NTRK3: variants seen among roughly 807,000 people sequenced by gnomAD.
The protein encoded by NTRK3 is NT-3 growth factor receptor.
In NTRK3, 24 loss-of-function variants were observed where a neutral mutation model predicts 91.7. The ratio of observed to expected loss-of-function variants is 0.26; its 90% CI spans 0.19 to 0.37. NTRK3 has a LOEUF of 0.37. NTRK3 is among the 10% of genes least tolerant of loss of function. The pLI is 1.00. For synonymous variants in NTRK3, 483 were observed against 404.0 expected (o/e 1.20, Z -2.34); for missense variants, 880 against 1,068.9 (o/e 0.82, Z 2.46).
At chr15:87,938,059 C>A (rs893656288) in intron 15 of NTRK3, among the ~76,000 whole-genome samples, 1 of 152,000 alleles carries the variant, frequency 6.6e-6, no homozygotes, top group African/African-American at 2.4e-5. Context: ...TGTAAATGTT[C>A]TATTTGTCTA....
At chr15:87,944,291 A>C (rs2070200626) in intron 14 of NTRK3, among the ~76,000 whole-genome samples, 1 of 152,208 alleles carries the variant, frequency 6.6e-6, no homozygotes, top group South Asian at 2.1e-4. Flanking sequence ...GGACAACCCC[A>C]TGCATCAACA....
At chr15:88,171,810 C>T (rs1249980491) in intron 5 of NTRK3, among the ~76,000 whole-genome samples, 1 of 152,238 alleles carries the variant, frequency 6.6e-6, no homozygotes, top group African/African-American at 2.4e-5. Flanking sequence ...TTCTTTCTCC[C>T]CCTCCCTCAG....
chr15:88,162,488 C>T (rs771328503), intron 5 of NTRK3, among the ~76,000 whole-genome samples: 1 of 152,166 alleles, frequency 6.6e-6, no homozygotes, highest in Non-Finnish European at 1.5e-5. Context: ...GAAGGGGGCC[C>T]ACTCTCAAGT....
chr15:87,915,793 T>C (rs1011702157), intron 17 of NTRK3, among the ~76,000 whole-genome samples: 6 of 152,172 alleles, frequency 3.9e-5, no homozygotes, highest in African/African-American at 1.4e-4. Context: ...TGAATACTTA[T>C]CTTATTTAAT....
intron 6 of NTRK3, 119 bp downstream of exon 6, chr15:88,147,216 A>G: frequency 1.1e-6 from 1 of 929,548 alleles, no homozygotes; most frequent in South Asian, 1.4e-5. Context: ...AACCAACCCA[A>G]GTAGGCTCTT....
At chr15:87,868,313 G>C (rs1317682640) in exon 19 of NTRK3, 1 of 227,398 alleles carries the variant, frequency 4.4e-6, no homozygotes, top group Non-Finnish European at 8.7e-6. Context: ...GATTGCCTCC[G>C]TATGATTTTT....
At chr15:88,010,748 CCACACACACA>C (rs10623073) in intron 14 of NTRK3, among the ~76,000 whole-genome samples, 350 of 149,180 alleles carry the variant, frequency 2.3e-3, no homozygotes, top group African/African-American at 8.1e-3. Flanking sequence ...ACACACACAC[CCACACACACA>C]CACACACACA....
chr15:88,062,824 GC>G (rs537978229), intron 13 of NTRK3, among the ~76,000 whole-genome samples: 35 of 152,182 alleles, frequency 2.3e-4, no homozygotes, highest in Non-Finnish European at 3.4e-4. Context: ...CTTTCCTTGG[GC>G]TACTGAGGGT....
chr15:87,956,942 G>A (rs935632142), intron 14 of NTRK3, among the ~76,000 whole-genome samples: 5 of 152,094 alleles, frequency 3.3e-5, no homozygotes, highest in African/African-American at 9.7e-5. Flanking sequence ...TCTGGTTATC[G>A]TTTATCAATT....
intron 5 of NTRK3, among the ~76,000 whole-genome samples, chr15:88,174,392 C>T (rs2045803453): frequency 6.6e-6 from 1 of 152,182 alleles, no homozygotes; most frequent in Non-Finnish European, 1.5e-5. Flanking sequence ...TGACAGCCAT[C>T]CCCACCAGCC....
chr15:88,134,941 C>G (rs553120227), intron 10 of NTRK3, among the ~76,000 whole-genome samples, 160 bp downstream of exon 10: 2 of 152,340 alleles, frequency 1.3e-5, no homozygotes, highest in South Asian at 2.1e-4. Context: ...CTTGTTTATA[C>G]CAGATGCGGC....
chr15:87,946,577 C>T (rs1370684646), intron 14 of NTRK3, among the ~76,000 whole-genome samples: 1 of 152,126 alleles, frequency 6.6e-6, no homozygotes, highest in African/African-American at 2.4e-5. Flanking sequence ...CAGTCCCCTG[C>T]CACCACCAGC....
chr15:87,936,286 G>A (rs147110116), intron 15 of NTRK3, among the ~76,000 whole-genome samples: 1 of 152,286 alleles, frequency 6.6e-6, no homozygotes, highest in East Asian at 1.9e-4. Context: ...AAAAAGGAGA[G>A]CTAGAATTTG....
At position 88,204,270 on chromosome 15, in the gene NTRK3, G is replaced by A. The variant is rs146271421; in HGVS notation, c.249-19971C>T. Among the ~76,000 whole-genome samples, 29 of 152,178 alleles carry A rather than the reference G, an allele frequency of 1.9e-4. No homozygotes were observed. In the Middle Eastern group the frequency reaches 0.014, roughly 71 times the overall value. The stretch of plus-strand genomic sequence containing the variant: ...TAATGCCTTTCAGACACCTGCTCTC[G>A]CCAGTCTTGGGATTTCTCTCCTTCT... On this transcript the variant is annotated intron_variant, in intron 3 of 18. Coordinates refer to ENST00000394480, the Ensembl canonical transcript of NTRK3.
intron 14 of NTRK3, among the ~76,000 whole-genome samples, chr15:87,966,665 C>T (rs72756147): frequency 2.6e-5 from 4 of 152,156 alleles, no homozygotes; most frequent in Admixed American, 6.6e-5. Context: ...AATGAAGAGA[C>T]CCGCATGTGT....
intron 16 of NTRK3, among the ~76,000 whole-genome samples, chr15:87,930,859 C>G (rs1019324947): frequency 1.3e-5 from 2 of 152,048 alleles, no homozygotes; most frequent in African/African-American, 2.4e-5. Flanking sequence ...GGAAGACTGT[C>G]GAGCCTTGAT....
At chr15:88,014,460 T>TA (rs952717952) in intron 14 of NTRK3, among the ~76,000 whole-genome samples, 4 of 152,164 alleles carry the variant, frequency 2.6e-5, no homozygotes, top group African/African-American at 9.7e-5. Flanking sequence ...TTTTTCAGAT[T>TA]AAAAAAACTT....
At chr15:88,201,404 G>T (rs991004551) in intron 3 of NTRK3, among the ~76,000 whole-genome samples, 1 of 152,178 alleles carries the variant, frequency 6.6e-6, no homozygotes, top group Non-Finnish European at 1.5e-5. Flanking sequence ...GGTGTGTGAA[G>T]CCACCATATC....
intron 3 of NTRK3, among the ~76,000 whole-genome samples, chr15:88,197,126 A>AAAAC (rs1567627808): frequency 2.7e-5 from 4 of 146,720 alleles, no homozygotes; most frequent in Non-Finnish European, 3.0e-5. Context: ...AAAAAAAAAA[A>AAAAC]ACCTCTGTGA....
Sources: allele counts gnomAD v4.1 joint callset (sites outside exome capture counted in the v4.1 genomes callset), GRCh38; gene constraint gnomAD v4.1.1; transcripts MANE v1.5; gene names NCBI Gene and HGNC (gene_info 2026-07-23, HGNC 2026-07-21).